HIP1R: variants seen among roughly 807,000 people sequenced by gnomAD.
HIP1R encodes huntingtin-interacting protein 1-related protein.
HIP1R carries 135 observed loss-of-function variants against 144.2 expected under a neutral mutation model. The observed-to-expected ratio is 0.94, with a 90% CI of 0.81 to 1.08. The LOEUF is 1.08. Among genes scored for constraint, HIP1R ranks in the 50% least tolerant of loss-of-function variants. HIP1R has a pLI of 0.00. For missense variants in HIP1R, 1,462 were observed against 1,432.8 expected (o/e 1.02, Z -0.33); for synonymous variants, 698 against 612.8 (o/e 1.14, Z -2.05).
Position 122,859,066 on chromosome 12 carries a change from A to G in HIP1R, c.2164A>G (p.Ile722Val). 1 of 1,606,274 alleles carries G rather than the reference A, an allele frequency of 6.2e-7. No individual in the cohort carries two copies. The highest frequency in any genetic ancestry group is 8.5e-7 in the Non-Finnish European group (1 of 1,177,028). The change falls in exon 22 of 32, where the codon ATA becomes GTA. Residue 722 changes from isoleucine (I) to valine (V), a missense_variant. Coordinates refer to ENST00000253083, the MANE Select transcript of HIP1R (RefSeq NM_003959.3). Reference protein sequence around the residue: ...LAPTDPADRLIDTCRECGARA... With the variant: ...LAPTDPADRLVDTCRECGARA... ...ACGGTCCTTTCTCACCCCAGGCCTC[A>G]TAGACACCTGCAGGGAGTGCGGGGC...
rs1166943750 is a variant in HIP1R at position 122,855,335 on chromosome 12, A to C, written c.923A>C (p.Glu308Ala). Reference protein sequence around the residue: ...HIKPVVVIPEEAPEDEEPENL... With the variant: ...HIKPVVVIPEAAPEDEEPENL... Reference sequence around the variant, plus strand: ...AAGCCGGTGGTGGTGATCCCCGAGGAGGCCCCGGAAGATGAGGAGCCGGAG... The same window carrying C: ...AAGCCGGTGGTGGTGATCCCCGAGGCGGCCCCGGAAGATGAGGAGCCGGAG... Residue 308 changes from glutamate to alanine, a missense_variant, in exon 11 of 32, where the codon GAG becomes GCG. Physicochemically the swap from Glu to Ala is moderately radical, Grantham distance 107. Transcript: ENST00000253083. 3.5e-5 allele frequency: 56 copies of C among 1,610,612 alleles called. No individual in the cohort carries two copies. In the East Asian group the frequency reaches 1.0e-3, roughly 30 times the overall value.
At position 122,857,118 on chromosome 12, in the gene HIP1R, C is replaced by T. The variant is rs761856927; in HGVS notation, c.1718C>T (p.Ala573Val). 56 of 1,550,486 alleles carry T rather than the reference C, an allele frequency of 3.6e-5. No homozygotes were observed. The South Asian group carries it at 3.7e-4, about 10-fold the overall frequency. The change falls in exon 18 of 32, where the codon GCG (alanine) becomes GTG (valine). Residue 573 changes from alanine (A) to valine (V), a missense_variant. Transcript: ENST00000253083. ...CAGCGGGAGGCAGACCTGCTGGCGG[C>T]GCAGAGCCTGGTGCGCGAGACAGAG... ...VRQREADLLA[A>V]QSLVRETEAA...
In HIP1R at chr12:122,848,840, T is replaced by C; in HGVS notation, c.345T>C (p.Ile115=). 1.9e-6 allele frequency: 3 copies of C among 1,613,246 alleles called. No individual in the cohort carries two copies. The highest frequency in any genetic ancestry group is 2.5e-6 in the Non-Finnish European group (3 of 1,179,986). ...GGTACCGCAGCAACATCCGGGAGAT[T>C]GGAGACCTGTGGGTAGGTCCAGCCA... ...CQRYRSNIRE[I]GDLWGHLHDR... Residue 115 remains isoleucine, a synonymous_variant, in exon 4 of 32, where the codon ATT becomes ATC. Transcript: ENST00000253083.
rs2033784511 is a variant in HIP1R at position 122,861,954 on chromosome 12, C to T, written c.*201C>T. 1 of 546,502 alleles carries T rather than the reference C, an allele frequency of 1.8e-6. No individual in the cohort carries two copies. The highest frequency in any genetic ancestry group is 3.2e-6 in the Non-Finnish European group (1 of 310,570). The allele number at this position is 546,502 out of a possible 1,614,324, so 33.9% of individuals were successfully genotyped here. The stretch of plus-strand genomic sequence containing the variant: ...GGGTGGTGCTTCTGGATGTGAGTCT[C>T]TTATTTATCTGCAGAAGGAACTTTG... On this transcript the variant is annotated 3_prime_UTR_variant, in exon 32 of 32. Transcript: ENST00000253083.
chr12:122,838,073 C>G (rs1452274192), intron 1 of HIP1R, among the ~76,000 whole-genome samples: 1 of 152,178 alleles, frequency 6.6e-6, no homozygotes, highest in Non-Finnish European at 1.5e-5. Flanking sequence ...AGCCTGCCAG[C>G]CTCGCTTTCC....
chr12:122,847,388 C>T (rs919716711), intron 1 of HIP1R, among the ~76,000 whole-genome samples: 1 of 152,166 alleles, frequency 6.6e-6, no homozygotes, highest in Non-Finnish European at 1.5e-5. Context: ...GTGCCACTTG[C>T]GCAGCTCCGG....
chr12:122,857,160 A>T lies in HIP1R; in HGVS notation c.1760A>T (p.Glu587Val). 6.4e-7 allele frequency: 1 copy of T among 1,550,412 alleles called. No homozygotes were observed. Among genetic ancestry groups the T allele is most frequent in the Non-Finnish European group, 8.7e-7 (1 of 1,146,866 alleles). ...VRETEAALSR[E>V]QQRSSQEQGE... is the part of the protein sequence containing the mutation. ...GAGACAGAGGCGGCGCTGAGCCGGG[A>T]GCAGCAGCGCAGCTCCCAGGAGCAG... The change falls in exon 18 of 32, where the codon GAG becomes GTG. Residue 587 changes from glutamate (E) to valine (V), a missense_variant. Glu to Val is a moderately radical substitution (Grantham distance 121, BLOSUM62 -2). This residue lies in a region of HIP1R where 1,112 missense variants were observed against 1,011.7 expected (regional missense o/e 1.10). Transcript: ENST00000253083.
intron 1 of HIP1R, 142 bp from the exon 2 acceptor site, chr12:122,847,889 A>AG: frequency 1.5e-6 from 1 of 650,964 alleles, no homozygotes; most frequent in East Asian, 2.8e-5. Flanking sequence ...GCTTAGGTTG[A>AG]GGGGATTCCT....
Position 122,856,333 on chromosome 12 carries a change from C to G in HIP1R, c.1390C>G (p.Leu464Val). The G allele has an allele frequency of 1.2e-6, 2 of 1,613,880 alleles. No homozygotes were observed. The highest frequency in any genetic ancestry group is 1.7e-6 in the Non-Finnish European group (2 of 1,179,992). Residue 464 changes from leucine (L) to valine (V), a missense_variant, in exon 15 of 32, where the codon CTG becomes GTG. Leu to Val is a conservative substitution (Grantham distance 32). This residue lies in a region of HIP1R where 1,112 missense variants were observed against 1,011.7 expected (regional missense o/e 1.10). Coordinates refer to ENST00000253083, the MANE Select transcript of HIP1R (RefSeq NM_003959.3). ...TGAGCTCGTCCATGTGCACGCGGAG[C>G]TGCTCAGAAAGGTAGGTGCAGCCCA... ...HSELVHVHAELLRKNADTAKQ... is the reference protein window; with the variant it reads ...HSELVHVHAEVLRKNADTAKQ...
chr12:122,859,368 C>G lies in HIP1R; in HGVS notation c.2296-58C>G, dbSNP rs915545879. On this transcript the variant is annotated intron_variant, in intron 22 of 31. Coordinates refer to ENST00000253083, the MANE Select transcript of HIP1R (RefSeq NM_003959.3). ...TGTGGTCCCCAACCTCTTTCCCAGG[C>G]TGCCCGTGGGACGGGGGGGGACGGA... The G allele has an allele frequency of 3.0e-5, 46 of 1,520,438 alleles. 1 individual carries two copies. Among genetic ancestry groups the G allele is most frequent in the Non-Finnish European group, 4.0e-5 (44 of 1,100,064 alleles). The allele number at this position is 1,520,438 out of a possible 1,614,324, so 94.2% of individuals were successfully genotyped here.
chr12:122,851,162 G>A (rs1274610457), intron 6 of HIP1R, 74 bp from the exon 7 acceptor site: 1 of 1,348,498 alleles, frequency 7.4e-7, no homozygotes, highest in Non-Finnish European at 9.9e-7. Flanking sequence ...CGTCCCCACT[G>A]GAGGGGGCGT....
At chr12:122,843,285 C>G (rs1229489835) in intron 1 of HIP1R, among the ~76,000 whole-genome samples, 1 of 152,186 alleles carries the variant, frequency 6.6e-6, no homozygotes, top group Non-Finnish European at 1.5e-5. Flanking sequence ...CATGTCTGGC[C>G]CACATCTTTT....
chr12:122,848,772 A>G (rs779755733), intron 3 of HIP1R, 24 bp from the exon 4 acceptor site: 21 of 1,612,348 alleles, frequency 1.3e-5, no homozygotes, highest in Non-Finnish European at 1.6e-5. Flanking sequence ...ACACTCCCCC[A>G]CTCCCGTATT....
In HIP1R at chr12:122,856,905, C is replaced by T. The variant is rs1195765908; in HGVS notation, c.1621-116C>T. The T allele has an allele frequency of 6.1e-6, 7 of 1,138,836 alleles. No homozygotes were observed. In the East Asian group the frequency reaches 1.6e-4, roughly 25 times the overall value. The allele number at this position is 1,138,836 out of a possible 1,614,324, so 70.5% of individuals were successfully genotyped here. ...GACCTACCGCTGGTCCTCAGGGAGC[C>T]CTGAGTCTAATGGAAGTGATCACTA... On this transcript the variant is annotated intron_variant, in intron 17 of 31. Coordinates refer to ENST00000253083, the MANE Select transcript of HIP1R (RefSeq NM_003959.3).
chr12:122,861,786 C>T lies in HIP1R; in HGVS notation c.*33C>T. Reference sequence around the variant, plus strand: ...AGGGGTCCAGCAGGGTGGCTGGTGACAGGCCTGGGCCTCTGCAACTGCCCT... The same window carrying T: ...AGGGGTCCAGCAGGGTGGCTGGTGATAGGCCTGGGCCTCTGCAACTGCCCT... On this transcript the variant is annotated 3_prime_UTR_variant, in exon 32 of 32. Coordinates refer to ENST00000253083, the MANE Select transcript of HIP1R (RefSeq NM_003959.3). 6.2e-7 allele frequency: 1 copy of T among 1,608,252 alleles called. No individual in the cohort carries two copies.
rs950736755 is a variant in HIP1R at position 122,857,116 on chromosome 12, G to A, written c.1716G>A (p.Ala572=). ...GGCAGCGGGAGGCAGACCTGCTGGC[G>A]GCGCAGAGCCTGGTGCGCGAGACAG... ...AVRQREADLL[A]AQSLVRETEA... The change falls in exon 18 of 32, where the codon GCG becomes GCA. Residue 572 remains alanine, a synonymous_variant. Transcript: ENST00000253083. 23 of 1,550,732 alleles carry A rather than the reference G, an allele frequency of 1.5e-5. No homozygotes were observed. Among genetic ancestry groups the A allele is most frequent in the Admixed American group, 3.9e-5 (2 of 51,058 alleles).
chr12:122,861,857 C>T lies in HIP1R; in HGVS notation c.*104C>T. The T allele has an allele frequency of 1.3e-5, 14 of 1,040,952 alleles. No homozygotes were observed. The highest frequency in any genetic ancestry group is 2.0e-5 in the Non-Finnish European group (14 of 695,060). 64.5% of individuals were successfully genotyped at this position (1,040,952 alleles called of 1,614,324 possible). ...CCCCTCCACCTGGTGCCCAAGCCTC[C>T]CGCCCCACCGTCTGGATCAATGTCC... On this transcript the variant is annotated 3_prime_UTR_variant, in exon 32 of 32. Transcript: ENST00000253083.
chr12:122,861,533 T>TG lies in HIP1R; in HGVS notation c.3159+24dup. On this transcript the variant is annotated intron_variant, in intron 31 of 31. Transcript: ENST00000253083. ...CCACCAGGTGCCGTCTGCACTGGGA[T>TG]GGGGGAGTTCCTGGACGGGGGTGCT... The TG allele has an allele frequency of 1.2e-6, 2 of 1,603,104 alleles. No individual in the cohort carries two copies. The highest frequency in any genetic ancestry group is 2.2e-5 in the South Asian group (2 of 89,946).
At chr12:122,855,168 C>G (rs762037321) in intron 10 of HIP1R, 40 bp downstream of exon 10, 2 of 1,611,092 alleles carry the variant, frequency 1.2e-6, no homozygotes, top group South Asian at 2.2e-5. Flanking sequence ...TTTGAGGACC[C>G]CAGGCACCTG....
Sources: allele counts gnomAD v4.1 joint callset (sites outside exome capture counted in the v4.1 genomes callset), GRCh38; gene constraint gnomAD v4.1.1; regional missense constraint gnomAD v4.1.1; transcripts MANE v1.5; gene names NCBI Gene and HGNC (gene_info 2026-07-23, HGNC 2026-07-21).